Variants in DIAPH2 observed in about 807,000 individuals in gnomAD.
DIAPH2 encodes diaphanous related formin 2.
DIAPH2 carries 35 observed loss-of-function variants against 92.7 expected under a neutral mutation model. The observed-to-expected ratio is 0.38, with a 90% confidence interval of 0.29 to 0.50. The LOEUF is 0.50. Ranked by LOEUF, DIAPH2 falls within the 20% of genes least tolerant of loss-of-function variation. The probability of loss-of-function intolerance (pLI) is 0.94; values close to 1 mark genes in which losing one functional copy is unlikely to be tolerated. For missense variants in DIAPH2, 701 were observed against 819.5 expected (o/e 0.86, Z 1.77); for synonymous variants, 301 against 280.4 (o/e 1.07, Z -0.73).
At chrX:97,169,582 T>C (rs940144851) in intron 22 of DIAPH2, among the ~76,000 whole-genome samples, 2 of 111,802 alleles carry the variant, frequency 1.8e-5, no homozygotes, top group African/African-American at 6.5e-5. Context: ...TATTTGCAAT[T>C]GGCCAGTCAC....
At chrX:96,709,192 C>G (rs974142962) in intron 1 of DIAPH2, among the ~76,000 whole-genome samples, 4 of 112,106 alleles carry the variant, frequency 3.6e-5, no homozygotes, top group African/African-American at 1.3e-4. Context: ...TAAAGTACTT[C>G]GTTTCTGTTT....
intron 17 of DIAPH2, among the ~76,000 whole-genome samples, chrX:97,008,257 G>T (rs2066198389): frequency 9.2e-6 from 1 of 108,680 alleles, no homozygotes; most frequent in Non-Finnish European, 1.9e-5. Context: ...ATTTCTGCTC[G>T]ATTATTTGTA....
chrX:96,761,773 A>G (rs976707805), intron 4 of DIAPH2, among the ~76,000 whole-genome samples: 1 of 110,867 alleles, frequency 9.0e-6, no homozygotes, highest in African/African-American at 3.3e-5. Context: ...TAAATAAACA[A>G]GGGACAAATA....
In DIAPH2 at chrX:97,599,642, C is replaced by CA. The variant is rs2071579667; in HGVS notation, c.*330dup. The CA allele has an allele frequency of 8.6e-6, 1 of 115,759 alleles. No homozygotes were observed. Among genetic ancestry groups the CA allele is most frequent in the Non-Finnish European group, 1.7e-5 (1 of 57,689 alleles). The allele number at this position is 115,759 out of a possible 1,213,427, so 9.5% of individuals were successfully genotyped here. A position where few individuals can be genotyped will look rare whatever the true frequency, so the allele number is the denominator to read the frequency against. On this transcript the variant is annotated 3_prime_UTR_variant, in exon 27 of 27. Transcript: ENST00000324765. ...TCTAAGGCTTTCAAAAACACTCAGT[C>CA]AAAAATTTAAAATCTTAAATGTGTA...
At chrX:97,142,547 A>T (rs984286595) in intron 22 of DIAPH2, among the ~76,000 whole-genome samples, 3 of 111,413 alleles carry the variant, frequency 2.7e-5, no homozygotes, top group Non-Finnish European at 5.7e-5. Context: ...CATTGAAGGG[A>T]TAGAATAGAC....
intron 4 of DIAPH2, among the ~76,000 whole-genome samples, chrX:96,824,222 G>A (rs1399475167): frequency 9.0e-6 from 1 of 110,520 alleles, no homozygotes; most frequent in Non-Finnish European, 1.9e-5. Context: ...CTTTTAATGG[G>A]CTGGGAAGCT....
At chrX:97,099,252 G>T (rs2066889950) in intron 19 of DIAPH2, among the ~76,000 whole-genome samples, 1 of 110,453 alleles carries the variant, frequency 9.1e-6, no homozygotes, top group African/African-American at 3.3e-5. Flanking sequence ...TGTTATCCCA[G>T]CTACTCGTGA....
intron 17 of DIAPH2, among the ~76,000 whole-genome samples, chrX:97,058,560 A>T (rs1346202738): frequency 3.9e-5 from 4 of 101,831 alleles, no homozygotes; most frequent in African/African-American, 1.1e-4. Flanking sequence ...TTCCTTTCTC[A>T]CTTCTGGGAC....
intron 25 of DIAPH2, among the ~76,000 whole-genome samples, chrX:97,428,733 A>G (rs1270673989): frequency 9.0e-6 from 1 of 110,984 alleles, no homozygotes; most frequent in African/African-American, 3.3e-5. Flanking sequence ...CCCTCAAGGT[A>G]GCCACCTATT....
chrX:97,552,066 T>C (rs2071223696), intron 26 of DIAPH2, among the ~76,000 whole-genome samples: 1 of 111,876 alleles, frequency 8.9e-6, no homozygotes, highest in Admixed American at 9.5e-5. Context: ...ACTAAGACTC[T>C]GCGAGCCTTA....
intron 5 of DIAPH2, among the ~76,000 whole-genome samples, chrX:96,882,965 A>AAAAAC (rs2065225525): frequency 1.3e-5 from 1 of 74,754 alleles, no homozygotes; most frequent in South Asian, 7.8e-4. Flanking sequence ...TCTCCAAAAA[A>AAAAAC]AAAAAAAAAA....
chrX:96,718,337 T>G (rs12860506), intron 1 of DIAPH2, among the ~76,000 whole-genome samples: 1 of 24,275 alleles, frequency 4.1e-5, no homozygotes, highest in Non-Finnish European at 8.2e-5. Context: ...ATTTTCTTTG[T>G]TTTTTTTTTT....
chrX:97,556,974 T>G (rs2071261636), intron 26 of DIAPH2, among the ~76,000 whole-genome samples: 1 of 112,108 alleles, frequency 8.9e-6, no homozygotes, highest in Non-Finnish European at 1.9e-5. Context: ...CCAAAATGTT[T>G]CACTGTGAAG....
chrX:97,196,840 G>A (rs1226749959), intron 22 of DIAPH2, among the ~76,000 whole-genome samples: 1 of 104,828 alleles, frequency 9.5e-6, no homozygotes, highest in Non-Finnish European at 2.0e-5. Flanking sequence ...AGGCTGGAGT[G>A]CAGTGGTGTG....
chrX:97,086,563 T>C (rs1380745710), intron 19 of DIAPH2, among the ~76,000 whole-genome samples: 2 of 112,095 alleles, frequency 1.8e-5, no homozygotes, highest in African/African-American at 6.5e-5. Context: ...ATTAAGTTCG[T>C]GAAATAATGG....
chrX:97,054,818 A>G (rs1338485292), intron 17 of DIAPH2, among the ~76,000 whole-genome samples: 1 of 111,013 alleles, frequency 9.0e-6, no homozygotes, highest in Non-Finnish European at 1.9e-5. Context: ...AACATTTTAA[A>G]AAGATAACCC....
intron 18 of DIAPH2, among the ~76,000 whole-genome samples, chrX:97,074,728 T>C (rs1403343761): frequency 8.9e-6 from 1 of 111,961 alleles, no homozygotes; most frequent in Non-Finnish European, 1.9e-5. Flanking sequence ...AGTAGATGGA[T>C]ATGATTTTTT....
intron 21 of DIAPH2, among the ~76,000 whole-genome samples, chrX:97,120,752 C>G (rs1229802825): frequency 9.3e-6 from 1 of 107,294 alleles, no homozygotes; most frequent in Non-Finnish European, 1.9e-5. Flanking sequence ...TCTAGAATAT[C>G]TATAACATGT....
intron 26 of DIAPH2, among the ~76,000 whole-genome samples, chrX:97,515,365 C>T (rs187345780): frequency 2.0e-3 from 222 of 112,716 alleles, no homozygotes; most frequent in African/African-American, 6.9e-3. Context: ...CGCCCTGCTT[C>T]GGCTTGCGCA....
Sources: allele counts gnomAD v4.1 joint callset (sites outside exome capture counted in the v4.1 genomes callset), GRCh38; gene constraint gnomAD v4.1.1; transcripts MANE v1.5; gene names NCBI Gene and HGNC (gene_info 2026-07-23, HGNC 2026-07-21).